ILRUN: variants seen among roughly 807,000 people sequenced by gnomAD.
ILRUN encodes inflammation and lipid regulator with UBA-like and NBR1-like domains.
In ILRUN, 3 loss-of-function variants were observed where a neutral mutation model predicts 33.8. The observed-to-expected ratio is 0.09, with a 90% CI of 0.04 to 0.23. The LOEUF is 0.23. ILRUN is among the 10% of genes least tolerant of loss of function. ILRUN has a pLI of 1.00. For synonymous variants in ILRUN, 124 were observed against 138.9 expected (o/e 0.89, Z 0.75); for missense variants, 210 against 375.1 (o/e 0.56, Z 3.64).
rs554861043 is a variant in ILRUN at position 34,587,762 on chromosome 6, G to A, written c.*2803C>T. On this transcript the variant is annotated 3_prime_UTR_variant, in exon 5 of 5. Coordinates refer to ENST00000374023, the MANE Select transcript of ILRUN (RefSeq NM_024294.4). Reference sequence around the variant, plus strand: ...ATGCCCCAAATTCAACTGTCCTCACGGCAAAAAGAAAAAAAGCATGCACAC... The same window carrying A: ...ATGCCCCAAATTCAACTGTCCTCACAGCAAAAAGAAAAAAAGCATGCACAC... The A allele has an allele frequency of 5.0e-5, 14 of 280,580 alleles. No individual in the cohort carries two copies. Among genetic ancestry groups the A allele is most frequent in the East Asian group, 3.6e-4 (6 of 16,496 alleles). The allele number at this position is 280,580 out of a possible 1,614,324, so 17.4% of individuals were successfully genotyped here. A position where few individuals can be genotyped will look rare whatever the true frequency, so the allele number is the denominator to read the frequency against.
chr6:34,687,902 G>A (rs1763559728), intron 1 of ILRUN, among the ~76,000 whole-genome samples: 1 of 151,686 alleles, frequency 6.6e-6, no homozygotes, highest in South Asian at 2.1e-4. Context: ...TTGACCATAT[G>A]ACCCAAAATT....
chr6:34,614,439 A>ATATATATATATATAT (rs1478401653), intron 3 of ILRUN, among the ~76,000 whole-genome samples: 4 of 122,538 alleles, frequency 3.3e-5, no homozygotes, highest in African/African-American at 1.5e-4. Flanking sequence ...AATAAAAAAA[A>ATATATATATATATAT]AAAAATATAT....
intron 3 of ILRUN, among the ~76,000 whole-genome samples, chr6:34,614,013 G>A (rs1761814497): frequency 6.6e-6 from 1 of 152,210 alleles, no homozygotes; most frequent in African/African-American, 2.4e-5. Flanking sequence ...ATAAGGGCAT[G>A]TCACAGGGAC....
At chr6:34,647,149 C>G (rs919782432) in intron 2 of ILRUN, among the ~76,000 whole-genome samples, 1 of 152,176 alleles carries the variant, frequency 6.6e-6, no homozygotes, top group African/African-American at 2.4e-5. Flanking sequence ...CACAGGCCCA[C>G]GTTTAGGGGA....
intron 4 of ILRUN, chr6:34,595,845 C>T (rs947240467): frequency 3.0e-6 from 3 of 985,270 alleles, no homozygotes; most frequent in Admixed American, 6.1e-5. Context: ...ATACTGATGG[C>T]ATTATCGGAT....
intron 1 of ILRUN, among the ~76,000 whole-genome samples, chr6:34,663,214 G>C (rs1457459080): frequency 2.0e-5 from 3 of 152,188 alleles, no homozygotes; most frequent in South Asian, 4.1e-4. Context: ...TTAATGCCAG[G>C]AGTTCAAGAC....
intron 2 of ILRUN, among the ~76,000 whole-genome samples, chr6:34,654,165 C>CAA (rs201289435): frequency 5.2e-4 from 64 of 121,906 alleles, no homozygotes; most frequent in Admixed American, 8.5e-4. Flanking sequence ...CTTGTGGTTG[C>CAA]AAAAAAAAAA....
At chr6:34,636,092 AC>A (rs551124211) in intron 3 of ILRUN, among the ~76,000 whole-genome samples, 25 of 152,112 alleles carry the variant, frequency 1.6e-4, no homozygotes, top group Admixed American at 1.2e-3. Context: ...CCCCAGCTCC[AC>A]AAAAAAGGTT....
chr6:34,601,566 CAA>C (rs1474348248), intron 4 of ILRUN, among the ~76,000 whole-genome samples: 1 of 152,184 alleles, frequency 6.6e-6, no homozygotes, highest in East Asian at 1.9e-4. Context: ...CCCAATTCCA[CAA>C]AGTCACCCCA....
At chr6:34,650,385 G>A (rs1762636395) in intron 2 of ILRUN, among the ~76,000 whole-genome samples, 1 of 150,548 alleles carries the variant, frequency 6.6e-6, no homozygotes, top group Non-Finnish European at 1.5e-5. Context: ...AAAATATTAG[G>A]AGCTTAATTT....
chr6:34,603,291 C>A (rs1476627482), intron 4 of ILRUN, among the ~76,000 whole-genome samples: 2 of 151,920 alleles, frequency 1.3e-5, no homozygotes, highest in East Asian at 1.9e-4. Context: ...GGTGGGCAGA[C>A]CACTTGAGGT....
chr6:34,602,265 C>A (rs547472075), intron 4 of ILRUN, among the ~76,000 whole-genome samples: 1 of 152,078 alleles, frequency 6.6e-6, no homozygotes, highest in East Asian at 1.9e-4. Context: ...AAAGAACAGC[C>A]CCTCGATTCT....
chr6:34,595,847 T>G (rs914398753), intron 4 of ILRUN: 1 of 985,334 alleles, frequency 1.0e-6, no homozygotes, highest in African/African-American at 1.7e-5. Flanking sequence ...ACTGATGGCA[T>G]TATCGGATAA....
chr6:34,664,498 C>A (rs1762955809), intron 1 of ILRUN, among the ~76,000 whole-genome samples: 1 of 152,172 alleles, frequency 6.6e-6, no homozygotes, highest in Admixed American at 6.6e-5. Context: ...TTTGCTGAGT[C>A]ATTTCCTTCA....
At chr6:34,666,302 G>A (rs986017849) in intron 1 of ILRUN, among the ~76,000 whole-genome samples, 2 of 152,216 alleles carry the variant, frequency 1.3e-5, no homozygotes, top group Non-Finnish European at 2.9e-5. Flanking sequence ...GCTCATGCCT[G>A]TAATCCCAGC....
chr6:34,652,635 T>C (rs1354724531), intron 2 of ILRUN, among the ~76,000 whole-genome samples: 2 of 152,164 alleles, frequency 1.3e-5, no homozygotes, highest in Non-Finnish European at 2.9e-5. Context: ...CTTTTATAGG[T>C]TTATTTGAGT....
At chr6:34,610,079 T>G (rs913859430) in intron 3 of ILRUN, among the ~76,000 whole-genome samples, 1 of 150,402 alleles carries the variant, frequency 6.6e-6, no homozygotes. Context: ...GAGAATGGCA[T>G]GAACCCGGGA....
intron 3 of ILRUN, among the ~76,000 whole-genome samples, chr6:34,636,364 A>G (rs1762368449): frequency 6.6e-6 from 1 of 152,234 alleles, no homozygotes; most frequent in African/African-American, 2.4e-5. Context: ...GGAAAGTATA[A>G]GCTCTTTAAC....
Position 34,673,435 on chromosome 6 carries a change from T to TA in ILRUN, c.159-18657dup, listed in dbSNP as rs770117920. Among the ~76,000 whole-genome samples the TA allele has an allele frequency of 2.5e-3, 383 of 151,062 alleles. 1 individual carries two copies. The highest frequency in any genetic ancestry group is 0.01 in the Middle Eastern group (3 of 294). On this transcript the variant is annotated intron_variant, in intron 1 of 4. Coordinates refer to ENST00000374023, the MANE Select transcript of ILRUN (RefSeq NM_024294.4). Reference sequence around the variant, plus strand: ...TAGTTAGTAAGGAGTTTGAGGATAGTAAAAAAAAAGACTGAACAAACCAAA... The same window carrying TA: ...TAGTTAGTAAGGAGTTTGAGGATAGTAAAAAAAAAAGACTGAACAAACCAAA...
Sources: gnomAD v4.1 joint callset for allele counts (sites outside exome capture counted in the v4.1 genomes callset) on GRCh38, gnomAD v4.1.1 for gene constraint, MANE v1.5 for transcripts, NCBI Gene and HGNC (gene_info 2026-07-23, HGNC 2026-07-21) for gene names.